The following CREB1 variants were observed in gnomAD, a reference collection of about 807,000 sequenced individuals.
The protein encoded by CREB1 is cAMP responsive element binding protein 1, also known as cyclic AMP-responsive element-binding protein 1.
CREB1 carries 2 observed loss-of-function variants against 42.0 expected under a neutral mutation model. The observed-to-expected ratio is 0.05, with a 90% CI of 0.02 to 0.15. CREB1 has a LOEUF of 0.15. Among genes scored for constraint, CREB1 ranks in the 10% least tolerant of loss-of-function variants. CREB1 has a pLI of 1.00. For missense variants in CREB1, 199 were observed against 388.9 expected (o/e 0.51, Z 4.11); for synonymous variants, 123 against 139.9 (o/e 0.88, Z 0.85).
At chr2:207,577,918 A>G (rs886190244) in intron 7 of CREB1, 23 of 435,564 alleles carry the variant, frequency 5.3e-5, no homozygotes, top group Non-Finnish European at 9.0e-5. Context: ...CAACTTCCCT[A>G]TGTCTGCACT....
Position 207,575,196 on chromosome 2 carries a change from A to T in CREB1, c.506-76A>T, listed in dbSNP as rs2082527699. On this transcript the variant is annotated intron_variant, in intron 5 of 7. Coordinates refer to ENST00000353267, the MANE Select transcript of CREB1 (RefSeq NM_004379.5). ...CTTCTCCTAGATTATTTTACAAATTATTCTACATTGGATGTAATGTTTTAA... is the reference window on the plus strand; with the variant it reads ...CTTCTCCTAGATTATTTTACAAATTTTTCTACATTGGATGTAATGTTTTAA... The T allele has an allele frequency of 2.9e-6, 4 of 1,393,162 alleles. No homozygotes were observed. The East Asian group carries it at 9.2e-5, about 32-fold the overall frequency. The allele number at this position is 1,393,162 out of a possible 1,614,324, so 86.3% of individuals were successfully genotyped here.
intron 1 of CREB1, among the ~76,000 whole-genome samples, chr2:207,543,421 A>G (rs903290348): frequency 5.9e-5 from 9 of 152,196 alleles, no homozygotes; most frequent in Non-Finnish European, 1.2e-4. Flanking sequence ...ACATTTACCT[A>G]TGAAGGGGGA....
At chr2:207,572,334 T>G (rs776289139) in intron 5 of CREB1, among the ~76,000 whole-genome samples, 8 of 152,188 alleles carry the variant, frequency 5.3e-5, no homozygotes, top group Non-Finnish European at 1.2e-4. Flanking sequence ...TTGGCTTTGA[T>G]GGAACTGATT....
chr2:207,532,881 G>A (rs2080709398), intron 1 of CREB1, among the ~76,000 whole-genome samples: 2 of 151,692 alleles, frequency 1.3e-5, no homozygotes, highest in South Asian at 2.1e-4. Context: ...CCAGCCCCCC[G>A]AGTAGCTGGG....
chr2:207,564,328 C>T (rs1377039339), intron 3 of CREB1, among the ~76,000 whole-genome samples: 1 of 151,882 alleles, frequency 6.6e-6, no homozygotes, highest in Non-Finnish European at 1.5e-5. Context: ...GGCAACATAG[C>T]AAGACCCTGT....
At chr2:207,538,660 A>G (rs1259862016) in intron 1 of CREB1, among the ~76,000 whole-genome samples, 1 of 152,240 alleles carries the variant, frequency 6.6e-6, no homozygotes, top group Admixed American at 6.5e-5. Context: ...ACATTTGATT[A>G]GATAAGAAAG....
intron 1 of CREB1, among the ~76,000 whole-genome samples, chr2:207,542,463 G>T (rs556843151): frequency 1.7e-3 from 262 of 152,202 alleles, no homozygotes; most frequent in Non-Finnish European, 2.8e-3. Context: ...TTGGCCATTT[G>T]TATATCTTCT....
chr2:207,530,498 C>T (rs1438937098), intron 1 of CREB1, among the ~76,000 whole-genome samples: 4 of 143,574 alleles, frequency 2.8e-5, no homozygotes, highest in Admixed American at 6.9e-5. Flanking sequence ...GCCGCCGGGC[C>T]GGGCGCGGAG....
At chr2:207,548,532 C>G (rs530713665) in intron 1 of CREB1, among the ~76,000 whole-genome samples, 1 of 152,094 alleles carries the variant, frequency 6.6e-6, no homozygotes, top group Non-Finnish European at 1.5e-5. Flanking sequence ...GGGTAGATCA[C>G]CTAAGGTCAG....
At chr2:207,553,950 A>G (rs991377912) in intron 1 of CREB1, among the ~76,000 whole-genome samples, 15 of 152,272 alleles carry the variant, frequency 9.9e-5, no homozygotes, top group East Asian at 5.8e-4. Context: ...CTATTTTACA[A>G]TGTGTCAATA....
Position 207,593,304 on chromosome 2 carries a change from T to C in CREB1, c.840-3610T>C, listed in dbSNP as rs188080599. On this transcript the variant is annotated intron_variant, in intron 7 of 7. Transcript: ENST00000353267. ...ACTTTGGGAGGCTGAGGCAGGAGGA[T>C]AGCTTGAGCCCAGGAATTCAAGACC... Among the ~76,000 whole-genome samples, 3 of 152,322 alleles carry C rather than the reference T, an allele frequency of 2.0e-5. No homozygotes were observed. The East Asian group carries it at 5.8e-4, about 29-fold the overall frequency.
rs533362234 is a variant in CREB1 at position 207,575,975 on chromosome 2, A to C, written c.688+521A>C. Among the ~76,000 whole-genome samples, 13 of 108,754 alleles carry C rather than the reference A, an allele frequency of 1.2e-4. 1 individual carries two copies. The South Asian group carries it at 2.3e-3, about 19-fold the overall frequency. The allele number at this position is 108,754 out of a possible 152,430, so 71.3% of individuals were successfully genotyped here. ...AAAGAAATTTAAATCTTCTGAGATCATCAGTTTTTATTATTATTATTATTA... is the reference window on the plus strand; with the variant it reads ...AAAGAAATTTAAATCTTCTGAGATCCTCAGTTTTTATTATTATTATTATTA... On this transcript the variant is annotated intron_variant, in intron 6 of 7. Coordinates refer to ENST00000353267, the MANE Select transcript of CREB1 (RefSeq NM_004379.5).
Position 207,599,322 on chromosome 2 carries a change from TTTA to T in CREB1, c.*2267_*2269del, listed in dbSNP as rs1240186166. On this transcript the variant is annotated 3_prime_UTR_variant, in exon 8 of 8. Coordinates refer to ENST00000353267, the MANE Select transcript of CREB1 (RefSeq NM_004379.5). The stretch of plus-strand genomic sequence containing the variant: ...CAAATATGTTCACAAGTTGGAATTA[TTTA>T]TTGAGTCAAAATGTCGAATCGAACA... The T allele has an allele frequency of 1.9e-5, 4 of 207,540 alleles. No homozygotes were observed. Among genetic ancestry groups the T allele is most frequent in the Non-Finnish European group, 3.9e-5 (4 of 101,890 alleles). 12.9% of individuals were successfully genotyped at this position (207,540 alleles called of 1,614,324 possible). A position where few individuals can be genotyped will look rare whatever the true frequency, so the allele number is the denominator to read the frequency against.
chr2:207,570,040 CAAAAAAAAAAAAAA>C (rs757439012), intron 4 of CREB1, 125 bp from the exon 5 acceptor site: 4 of 177,834 alleles, frequency 2.2e-5, no homozygotes, highest in Non-Finnish European at 3.8e-5. Context: ...GACTCCATCT[CAAAAAAAAAAAAAA>C]AAAAAAAACC....
Position 207,575,347 on chromosome 2 carries a change from C to A in CREB1, c.581C>A (p.Thr194Asn). Residue 194 changes from threonine to asparagine, a missense_variant, in exon 6 of 8, where the codon ACC (threonine) becomes AAC (asparagine). This residue lies in a region of CREB1 where 66 missense variants were observed against 88.1 expected (regional missense o/e 0.75). Coordinates refer to ENST00000353267, the MANE Select transcript of CREB1 (RefSeq NM_004379.5). ...TDGVQGLQTL[T>N]MTNAAATQPG... ...GGGGTACAGGGCCTGCAAACATTAA[C>A]CATGACCAATGCAGCAGCCACTCAG... 1.2e-6 allele frequency: 2 copies of A among 1,614,098 alleles called. No individual in the cohort carries two copies. Among genetic ancestry groups the A allele is most frequent in the Non-Finnish European group, 1.7e-6 (2 of 1,179,992 alleles).
At chr2:207,551,627 G>A (rs769624766) in intron 1 of CREB1, among the ~76,000 whole-genome samples, 2 of 152,064 alleles carry the variant, frequency 1.3e-5, no homozygotes, top group Non-Finnish European at 2.9e-5. Flanking sequence ...TCAATGGGTC[G>A]TTCTTTGTTA....
In CREB1 at chr2:207,567,576, ATAGT is replaced by A. The variant is rs1199641022; in HGVS notation, c.362+17_362+20del. The A allele has an allele frequency of 2.5e-6, 4 of 1,569,492 alleles. No homozygotes were observed. Among genetic ancestry groups the A allele is most frequent in the Non-Finnish European group, 3.5e-6 (4 of 1,141,078 alleles). On this transcript the variant is annotated intron_variant, in intron 4 of 7. Coordinates refer to ENST00000353267, the MANE Select transcript of CREB1 (RefSeq NM_004379.5). ...GGCCTTCCTACAGGTATGGAATTTA[ATAGT>A]TAGAATCAAAGATGTGGAGGAAGTC...
intron 1 of CREB1, among the ~76,000 whole-genome samples, chr2:207,532,581 G>C (rs2080690979): frequency 6.6e-6 from 1 of 151,348 alleles, no homozygotes; most frequent in Non-Finnish European, 1.5e-5. Flanking sequence ...GCTGAGGCAG[G>C]AGAATCTCTT....
chr2:207,582,208 C>T (rs1206792139), intron 7 of CREB1: 9 of 702,606 alleles, frequency 1.3e-5, no homozygotes, highest in Non-Finnish European at 2.3e-5. Context: ...GTTAAAACCA[C>T]CACAGTAATT....
Sources: allele counts gnomAD v4.1 joint callset (sites outside exome capture counted in the v4.1 genomes callset), GRCh38; gene constraint gnomAD v4.1.1; regional missense constraint gnomAD v4.1.1; transcripts MANE v1.5; gene names NCBI Gene and HGNC (gene_info 2026-07-23, HGNC 2026-07-21).